NREP: variants seen among roughly 807,000 people sequenced by gnomAD.
NREP encodes the protein neuronal regeneration related protein, also known as neuronal regeneration-related protein.
A neutral mutation model predicts 8.6 loss-of-function variants in NREP; 5 were observed. The observed-to-expected ratio is 0.58, with a 90% CI of 0.30 to 1.22. The LOEUF is 1.22. NREP is among the 50% of genes most tolerant of loss of function. The probability of loss-of-function intolerance (pLI) is 0.07; values close to 1 mark genes in which losing one functional copy is unlikely to be tolerated. For missense variants in NREP, 86 were observed against 82.5 expected (o/e 1.04, Z -0.17); for synonymous variants, 27 against 28.0 (o/e 0.96, Z 0.11).
chr5:111,883,776 G>A (rs532060690), intron 2 of NREP, among the ~76,000 whole-genome samples: 28 of 152,114 alleles, frequency 1.8e-4, no homozygotes, highest in African/African-American at 4.6e-4. Context: ...TGAAACCAAC[G>A]AGAACAAAGA....
intron 2 of NREP, among the ~76,000 whole-genome samples, chr5:111,789,205 T>C (rs1271559819): frequency 6.6e-6 from 1 of 152,230 alleles, no homozygotes; most frequent in Non-Finnish European, 1.5e-5. Context: ...GTGTAATATA[T>C]TGTTTCTGTT....
At chr5:111,960,681 T>C (rs544586866) in intron 2 of NREP, among the ~76,000 whole-genome samples, 6 of 152,206 alleles carry the variant, frequency 3.9e-5, no homozygotes, top group Non-Finnish European at 5.9e-5. Flanking sequence ...TTGTGACAAA[T>C]AGAAATGGAA....
At chr5:111,941,246 G>C (rs1227504653) in intron 2 of NREP, among the ~76,000 whole-genome samples, 1 of 152,104 alleles carries the variant, frequency 6.6e-6, no homozygotes, top group African/African-American at 2.4e-5. Flanking sequence ...TAATTATCTT[G>C]TTATAATCTA....
chr5:111,789,056 C>G (rs1751679029), intron 2 of NREP, among the ~76,000 whole-genome samples: 1 of 152,188 alleles, frequency 6.6e-6, no homozygotes, highest in Non-Finnish European at 1.5e-5. Flanking sequence ...AGATTTTGGA[C>G]TTGCCCACCT....
rs1278392948 is a variant in NREP at position 111,880,498 on chromosome 5, G to C, written c.135+94776C>G. Among the ~76,000 whole-genome samples, 3 of 152,078 alleles carry C rather than the reference G, an allele frequency of 2.0e-5. No homozygotes were observed. In the South Asian group the frequency reaches 6.2e-4, roughly 32 times the overall value. On this transcript the variant is annotated intron_variant, in intron 2 of 3. Coordinates refer to the NREP transcript ENST00000395634. ...CTACTTCTCATTGTGTTCTTGCATG[G>C]TCGTCCTTCTGTCTGTGCATTTTTC...
chr5:111,967,995 T>G (rs1756693600), intron 2 of NREP, among the ~76,000 whole-genome samples: 1 of 152,130 alleles, frequency 6.6e-6, no homozygotes, highest in Non-Finnish European at 1.5e-5. Flanking sequence ...TAATACAAAT[T>G]TAAATAAATT....
At chr5:111,868,830 T>G (rs1753723748) in intron 2 of NREP, among the ~76,000 whole-genome samples, 1 of 146,350 alleles carries the variant, frequency 6.8e-6, no homozygotes, top group African/African-American at 2.7e-5. Flanking sequence ...TCATCCAGTT[T>G]TTCTTTTTTT....
chr5:111,736,846 C>G (rs943152147), intron 2 of NREP, among the ~76,000 whole-genome samples: 1 of 152,180 alleles, frequency 6.6e-6, no homozygotes, highest in African/African-American at 2.4e-5. Context: ...TGCCCCAAGT[C>G]ACACAGGTAG....
intron 2 of NREP, among the ~76,000 whole-genome samples, chr5:111,959,346 A>C (rs1272639841): frequency 6.6e-6 from 1 of 151,946 alleles, no homozygotes; most frequent in Non-Finnish European, 1.5e-5. Flanking sequence ...AGAGGAGTAT[A>C]AGGCAGCCTC....
intron 2 of NREP, among the ~76,000 whole-genome samples, chr5:111,899,582 C>A (rs1754593213): frequency 1.3e-5 from 2 of 152,074 alleles, no homozygotes; most frequent in Admixed American, 1.3e-4. Context: ...ATAACATGAG[C>A]AAGTCCTCAT....
At chr5:111,971,454 C>A (rs1240858789) in intron 2 of NREP, among the ~76,000 whole-genome samples, 1 of 152,160 alleles carries the variant, frequency 6.6e-6, no homozygotes, top group Non-Finnish European at 1.5e-5. Flanking sequence ...GGAGGCATCA[C>A]ACTACCTGAC....
chr5:111,960,917 A>G (rs141036026), intron 2 of NREP, among the ~76,000 whole-genome samples: 150 of 152,322 alleles, frequency 9.8e-4, no homozygotes, highest in African/African-American at 3.5e-3. Context: ...ATTTTAAAAA[A>G]TCAATCTATG....
intron 2 of NREP, among the ~76,000 whole-genome samples, chr5:111,922,428 C>T (rs960352963): frequency 3.3e-5 from 5 of 152,090 alleles, no homozygotes; most frequent in Non-Finnish European, 1.5e-5. Context: ...TGTTTGACAT[C>T]GAAATGCTTC....
intron 2 of NREP, among the ~76,000 whole-genome samples, chr5:111,841,418 G>A (rs1019155831): frequency 5.3e-5 from 8 of 152,150 alleles, no homozygotes; most frequent in African/African-American, 1.7e-4. Context: ...AGGTACAGCT[G>A]AAGTATTGTT....
At chr5:111,771,531 G>C (rs920149846) in intron 2 of NREP, among the ~76,000 whole-genome samples, 1 of 151,906 alleles carries the variant, frequency 6.6e-6, no homozygotes, top group Non-Finnish European at 1.5e-5. Context: ...GGTAGGCTGA[G>C]GGGGGCGGAT....
intron 2 of NREP, among the ~76,000 whole-genome samples, chr5:111,748,853 C>T (rs1750178008): frequency 6.6e-6 from 1 of 152,104 alleles, no homozygotes; most frequent in African/African-American, 2.4e-5. Flanking sequence ...AGTATACAAC[C>T]TCGGAGGGTA....
chr5:111,949,415 C>G (rs1756089865), intron 2 of NREP, among the ~76,000 whole-genome samples: 1 of 151,928 alleles, frequency 6.6e-6, no homozygotes, highest in African/African-American at 2.4e-5. Flanking sequence ...CCTTTCCTTA[C>G]ACATAATGAA....
intron 2 of NREP, among the ~76,000 whole-genome samples, chr5:111,745,129 A>G (rs1460935287): frequency 6.6e-6 from 1 of 152,140 alleles, no homozygotes; most frequent in East Asian, 1.9e-4. Flanking sequence ...AATCTTCACA[A>G]TGTTACCACA....
intron 2 of NREP, among the ~76,000 whole-genome samples, chr5:111,893,769 T>A (rs1754446252): frequency 6.6e-6 from 1 of 151,752 alleles, no homozygotes; most frequent in African/African-American, 2.4e-5. Context: ...TTTCAATTAT[T>A]TTGGGAAAAC....
Sources: gnomAD v4.1 joint callset for allele counts (sites outside exome capture counted in the v4.1 genomes callset) on GRCh38, gnomAD v4.1.1 for gene constraint, MANE v1.5 for transcripts, NCBI Gene and HGNC (gene_info 2026-07-23, HGNC 2026-07-21) for gene names.